The following AFG2A variants were observed in gnomAD, a reference collection of about 807,000 sequenced individuals.
AFG2A encodes the protein AAA ATPase AFG2A.
At chr4:123,261,621 G>A in the AFG2A span, among the ~76,000 whole-genome samples, 1 of 151,854 alleles carries the variant, frequency 6.6e-6, no homozygotes, top group Non-Finnish European at 1.5e-5. Context: ...AATTGCCCTT[G>A]GATACCAAGG....
chr4:123,194,203 A>G, the AFG2A span, among the ~76,000 whole-genome samples: 53 of 152,216 alleles, frequency 3.5e-4, no homozygotes, highest in African/African-American at 1.2e-3. Flanking sequence ...AAGTTTGGAC[A>G]TAAGGACTAG....
chr4:123,048,343 G>T, the AFG2A span, among the ~76,000 whole-genome samples: 3 of 152,078 alleles, frequency 2.0e-5, no homozygotes, highest in South Asian at 6.2e-4. Flanking sequence ...TCTACTCAGG[G>T]TCTTGTGTGG....
the AFG2A span, among the ~76,000 whole-genome samples, chr4:122,992,174 A>G: frequency 6.6e-6 from 1 of 152,272 alleles, no homozygotes; most frequent in East Asian, 1.9e-4. Flanking sequence ...TGATTTATTC[A>G]TCATAGGAAC....
At chr4:123,174,228 A>G in the AFG2A span, among the ~76,000 whole-genome samples, 1 of 152,354 alleles carries the variant, frequency 6.6e-6, no homozygotes, top group Admixed American at 6.5e-5. Context: ...ATTCACAGCA[A>G]TTACAAAAAG....
chr4:123,139,715 T>C, the AFG2A span, among the ~76,000 whole-genome samples: 3 of 152,098 alleles, frequency 2.0e-5, no homozygotes, highest in Non-Finnish European at 2.9e-5. Flanking sequence ...TCAAAACTTA[T>C]GTTGCATTAC....
chr4:123,019,458 G>A, the AFG2A span, among the ~76,000 whole-genome samples: 2 of 151,926 alleles, frequency 1.3e-5, no homozygotes, highest in African/African-American at 4.8e-5. Context: ...ATATTAACAA[G>A]GATTACTTTT....
At chr4:123,123,603 A>G in the AFG2A span, among the ~76,000 whole-genome samples, 1 of 151,936 alleles carries the variant, frequency 6.6e-6, no homozygotes, top group Non-Finnish European at 1.5e-5. Context: ...AATGCAAATC[A>G]AAACCACAAT....
the AFG2A span, among the ~76,000 whole-genome samples, chr4:123,111,486 C>T: frequency 6.6e-6 from 1 of 152,014 alleles, no homozygotes; most frequent in African/African-American, 2.4e-5. Context: ...TGAAAAAGAG[C>T]TTGTTTGGAA....
the AFG2A span, among the ~76,000 whole-genome samples, chr4:123,269,111 A>G: frequency 6.6e-6 from 1 of 152,186 alleles, no homozygotes; most frequent in Non-Finnish European, 1.5e-5. Flanking sequence ...TTATTTTAGA[A>G]TTCAGTGTTA....
chr4:123,085,592 T>G, the AFG2A span, among the ~76,000 whole-genome samples: 1 of 151,956 alleles, frequency 6.6e-6, no homozygotes, highest in Non-Finnish European at 1.5e-5. Flanking sequence ...TATTTGTTTT[T>G]GTTGGTAAAG....
the AFG2A span, chr4:123,314,016 A>T: frequency 1.2e-6 from 2 of 1,610,234 alleles, no homozygotes; most frequent in Non-Finnish European, 1.7e-6. Context: ...AGTCATTGAG[A>T]CGTTTTTATG....
At chr4:123,296,713 A>G in the AFG2A span, among the ~76,000 whole-genome samples, 1 of 152,218 alleles carries the variant, frequency 6.6e-6, no homozygotes, top group Non-Finnish European at 1.5e-5. Flanking sequence ...TTCACTGTAT[A>G]CTGTTCTCTG....
At chr4:123,317,617 A>G in the AFG2A span, 4 of 152,244 alleles carry the variant, frequency 2.6e-5, no homozygotes, top group Non-Finnish European at 4.4e-5. Flanking sequence ...AGCAAGTCTC[A>G]CATTGATGCA....
At chr4:123,131,970 CTTTTCTT>C in the AFG2A span, among the ~76,000 whole-genome samples, 2 of 91,306 alleles carry the variant, frequency 2.2e-5, no homozygotes, top group African/African-American at 5.4e-5. Context: ...ATTTCTGATT[CTTTTCTT>C]TTTTCTTTTT....
the AFG2A span, among the ~76,000 whole-genome samples, chr4:123,018,267 A>C: frequency 6.6e-6 from 1 of 152,252 alleles, no homozygotes; most frequent in Admixed American, 6.5e-5. Flanking sequence ...ATATGTGAGC[A>C]GCTGTTCACT....
At chr4:123,219,983 C>G in the AFG2A span, among the ~76,000 whole-genome samples, 1 of 152,094 alleles carries the variant, frequency 6.6e-6, no homozygotes, top group South Asian at 2.1e-4. Flanking sequence ...GATTCTCCTG[C>G]CTCAGCCTCC....
At chr4:123,030,608 T>C in the AFG2A span, among the ~76,000 whole-genome samples, 3 of 152,202 alleles carry the variant, frequency 2.0e-5, no homozygotes. Context: ...TAGTTACTAA[T>C]TTTGATTTAG....
chr4:123,188,744 T>C, the AFG2A span, among the ~76,000 whole-genome samples: 3 of 152,228 alleles, frequency 2.0e-5, no homozygotes, highest in African/African-American at 7.2e-5. Context: ...TTATCTATTA[T>C]AAATAGGATT....
chr4:123,197,356 A>T, the AFG2A span, among the ~76,000 whole-genome samples: 1 of 152,234 alleles, frequency 6.6e-6, no homozygotes, highest in Non-Finnish European at 1.5e-5. Context: ...GAACATAGGC[A>T]TTTGTAAGTA....
Sources: gnomAD v4.1 joint callset for allele counts (sites outside exome capture counted in the v4.1 genomes callset) on GRCh38, gnomAD v4.1.1 for gene constraint, MANE v1.5 for transcripts, NCBI Gene and HGNC (gene_info 2026-07-23, HGNC 2026-07-21) for gene names.